ATP11B: variants seen among roughly 807,000 people sequenced by gnomAD.
ATP11B encodes ATPase phospholipid transporting 11B (putative).
Under a neutral mutation model 157.8 loss-of-function variants are expected in ATP11B, and 81 were observed. The observed-to-expected ratio is 0.51, with a 90% CI of 0.43 to 0.62. The LOEUF is 0.62. Ranked by LOEUF, ATP11B falls within the 20% of genes least tolerant of loss-of-function variation. ATP11B has a pLI of 0.00. For synonymous variants in ATP11B, 451 were observed against 469.4 expected (o/e 0.96, Z 0.51); for missense variants, 1,165 against 1,402.2 (o/e 0.83, Z 2.70).
chr3:182,916,251 A>G, intron 29 of ATP11B: 1 of 985,220 alleles, frequency 1.0e-6, no homozygotes, highest in Non-Finnish European at 1.2e-6. Flanking sequence ...CTATGTTTCT[A>G]TTTCATGTCT....
chr3:182,867,579 CTT>C (rs386398716), intron 15 of ATP11B, 135 bp downstream of exon 15: 2,046 of 151,984 alleles, frequency 0.013, no homozygotes, highest in South Asian at 0.03. Context: ...AGTCACATTA[CTT>C]TTTTTTTTTT....
Position 182,837,225 on chromosome 3 carries a change from A to G in ATP11B, c.656+51A>G, listed in dbSNP as rs1718624696. On this transcript the variant is annotated intron_variant, in intron 7 of 29. Coordinates refer to ENST00000323116, the MANE Select transcript of ATP11B (RefSeq NM_014616.3). ...ATTTTAAGTCCTATTTACAGACCTC[A>G]TTTTTAAATAACCATAAACATAAAA... 4.0e-6 allele frequency: 5 copies of G among 1,262,270 alleles called. No homozygotes were observed. The East Asian group carries it at 1.2e-4, about 30-fold the overall frequency. The allele number at this position is 1,262,270 out of a possible 1,614,324, so 78.2% of individuals were successfully genotyped here. A position where few individuals can be genotyped will look rare whatever the true frequency, so the allele number is the denominator to read the frequency against.
intron 28 of ATP11B, among the ~76,000 whole-genome samples, chr3:182,901,995 A>T (rs1386587235): frequency 6.6e-6 from 1 of 152,038 alleles, no homozygotes; most frequent in Non-Finnish European, 1.5e-5. Context: ...CTCTACTTCT[A>T]CTCAGGGATC....
intron 1 of ATP11B, among the ~76,000 whole-genome samples, chr3:182,796,737 A>C (rs1367441529): frequency 2.0e-5 from 3 of 152,226 alleles, no homozygotes; most frequent in African/African-American, 7.2e-5. Context: ...CATTGGATAC[A>C]TGTTGCTGAA....
chr3:182,820,520 CA>C (rs1459195868), intron 2 of ATP11B, 144 bp downstream of exon 2: 1 of 595,390 alleles, frequency 1.7e-6, no homozygotes, highest in Non-Finnish European at 3.0e-6. Flanking sequence ...CTTGTCTCTG[CA>C]AAAAATCAAA....
At chr3:182,853,904 T>C (rs926476530) in intron 10 of ATP11B, among the ~76,000 whole-genome samples, 1 of 152,204 alleles carries the variant, frequency 6.6e-6, no homozygotes, top group Non-Finnish European at 1.5e-5. Context: ...ATACTTAATA[T>C]AAAGCTACAG....
At chr3:182,872,786 C>T (rs991009657) in intron 18 of ATP11B, among the ~76,000 whole-genome samples, 1 of 152,202 alleles carries the variant, frequency 6.6e-6, no homozygotes, top group African/African-American at 2.4e-5. Flanking sequence ...TTAGAATACT[C>T]CTCAGCATGT....
rs71314264 is a variant in ATP11B, at chr3:182,920,906, A to G, written c.*2802A>G. The G allele has an allele frequency of 2.7e-3, 412 of 152,416 alleles. 3 individuals carry two copies. Among genetic ancestry groups the G allele is most frequent in the Non-Finnish European group, 4.7e-3 (319 of 68,094 alleles). The allele number at this position is 152,416 out of a possible 1,614,324, so 9.4% of individuals were successfully genotyped here. ...AGGCTTCCAGACCTGAGCCACACCCAGGCCCTATCCTGAACAGGAGACTAA... is the reference window on the plus strand; with the variant it reads ...AGGCTTCCAGACCTGAGCCACACCCGGGCCCTATCCTGAACAGGAGACTAA... On this transcript the variant is annotated 3_prime_UTR_variant, in exon 30 of 30. Transcript: ENST00000323116.
chr3:182,823,377 T>A (rs1372963659), intron 2 of ATP11B, among the ~76,000 whole-genome samples: 1 of 152,246 alleles, frequency 6.6e-6, no homozygotes, highest in Non-Finnish European at 1.5e-5. Context: ...AGGGACTCCT[T>A]TCCCCATTTC....
Position 182,869,281 on chromosome 3 carries a change from A to G in ATP11B, c.1816A>G (p.Ile606Val), listed in dbSNP as rs745735760. The change falls in exon 17 of 30, where the codon ATA (isoleucine) becomes GTA (valine). Residue 606 changes from isoleucine to valine, a missense_variant. Physicochemically the swap from Ile to Val is conservative, Grantham distance 29 (BLOSUM62 3). This residue lies in a region of ATP11B where 737 missense variants were observed against 930.5 expected (regional missense o/e 0.79). Coordinates refer to ENST00000323116, the MANE Select transcript of ATP11B (RefSeq NM_014616.3). ...GAESSILPKC[I>V]GGEIEKTRIH... ...TGAGTCATCAATTCTCCCTAAATGT[A>G]TAGGTGGAGAAATAGAAAAAACCAG... 4 of 1,610,050 alleles carry G rather than the reference A, an allele frequency of 2.5e-6. No homozygotes were observed. The highest frequency in any genetic ancestry group is 3.4e-6 in the Non-Finnish European group (4 of 1,178,332).
chr3:182,881,250 G>A (rs1409885881), intron 21 of ATP11B, among the ~76,000 whole-genome samples: 1 of 152,090 alleles, frequency 6.6e-6, no homozygotes, highest in Admixed American at 6.5e-5. Context: ...CCTGACCAAC[G>A]TGGTGAAACC....
chr3:182,828,553 C>T (rs538784631), intron 3 of ATP11B, among the ~76,000 whole-genome samples: 3 of 152,066 alleles, frequency 2.0e-5, no homozygotes, highest in South Asian at 2.1e-4. Context: ...ATTTTCGGTA[C>T]ATTTCTGCCT....
At chr3:182,887,205 A>G (rs1361970768) in intron 23 of ATP11B, among the ~76,000 whole-genome samples, 1 of 152,146 alleles carries the variant, frequency 6.6e-6, no homozygotes, top group Non-Finnish European at 1.5e-5. Context: ...CAGGGAGACA[A>G]AGCCATGAAA....
chr3:182,917,891 G>A (rs912153642), intron 29 of ATP11B, 132 bp from the exon 30 acceptor site: 1 of 1,372,720 alleles, frequency 7.3e-7, no homozygotes, highest in Non-Finnish European at 9.4e-7. Flanking sequence ...ATACTAGTAT[G>A]AAGAACCTCT....
rs954870181 is a variant in ATP11B at position 182,914,935 on chromosome 3, A to G, written c.3452+941A>G. The G allele has an allele frequency of 9.1e-6, 9 of 985,218 alleles. No individual in the cohort carries two copies. In the African/African-American group the frequency reaches 1.4e-4, roughly 15 times the overall value. The allele number at this position is 985,218 out of a possible 1,614,324, so 61.0% of individuals were successfully genotyped here. The stretch of plus-strand genomic sequence containing the variant: ...TGGAGGTACAAATGGGCAGGGAGAG[A>G]TGTTGGTTGCCATTGTCCCAAATGT... On this transcript the variant is annotated intron_variant, in intron 29 of 29. Transcript: ENST00000323116.
intron 9 of ATP11B, among the ~76,000 whole-genome samples, chr3:182,847,778 C>G (rs1206424304): frequency 6.6e-6 from 1 of 152,146 alleles, no homozygotes; most frequent in Admixed American, 6.5e-5. Flanking sequence ...TTGAGACTCA[C>G]AGAAATTACT....
chr3:182,869,085 C>G lies in ATP11B; in HGVS notation c.1696C>G (p.Leu566Val), dbSNP rs80090601. The G allele has an allele frequency of 9.2e-4, 1,481 of 1,606,848 alleles. 13 individuals are homozygous for G. In the African/African-American group the frequency reaches 0.018, roughly 20 times the overall value. The change falls in exon 16 of 30, where the codon CTG (leucine) becomes GTG (valine). Residue 566 changes from leucine to valine, a missense_variant. Leu to Val is a conservative substitution (Grantham distance 32). Around this residue, in one of 4 missense-constraint regions of ATP11B, gnomAD observed 737 missense variants for 930.5 expected, o/e 0.79. Coordinates refer to ENST00000323116, the MANE Select transcript of ATP11B (RefSeq NM_014616.3). ...KTLGKLERYKLLHILEFDSDR... is the reference protein window; with the variant it reads ...KTLGKLERYKVLHILEFDSDR... Reference sequence around the variant, plus strand: ...TTACTTTCTTTTGTTTAGGTACAAACTGCTTCATATTCTGGAATTTGATTC... The same window carrying G: ...TTACTTTCTTTTGTTTAGGTACAAAGTGCTTCATATTCTGGAATTTGATTC...
chr3:182,811,568 T>G (rs910972322), intron 1 of ATP11B, among the ~76,000 whole-genome samples: 2 of 151,870 alleles, frequency 1.3e-5, no homozygotes, highest in Non-Finnish European at 2.9e-5. Flanking sequence ...CCAGAAGGAG[T>G]TTTTTGAGGC....
rs1322707817 is a variant in ATP11B, at chr3:182,900,811, C to T, written c.3318+2039C>T. Among the ~76,000 whole-genome samples the T allele has an allele frequency of 2.0e-5, 3 of 151,922 alleles. No individual in the cohort carries two copies. In the East Asian group the frequency reaches 5.8e-4, roughly 29 times the overall value. ...CTGTAATTCCAGCACTTTGGGAGGC[C>T]GAGGCGGGTGGATGGCTTGAGCTCA... On this transcript the variant is annotated intron_variant, in intron 28 of 29. Coordinates refer to ENST00000323116, the MANE Select transcript of ATP11B (RefSeq NM_014616.3).
Sources: allele counts gnomAD v4.1 joint callset (sites outside exome capture counted in the v4.1 genomes callset), GRCh38; gene constraint gnomAD v4.1.1; regional missense constraint gnomAD v4.1.1; transcripts MANE v1.5; gene names NCBI Gene and HGNC (gene_info 2026-07-23, HGNC 2026-07-21).